Variants in OR1D2 observed in about 807,000 individuals in gnomAD.
The protein encoded by OR1D2 is olfactory receptor 1D2.
For missense variants in OR1D2, 357 were observed against 376.1 expected, an observed-to-expected ratio of 0.95 and a Z score of 0.42; for synonymous variants, 157 against 153.9, an observed-to-expected ratio of 1.02 and a Z score of -0.15.
rs78648155 is a variant in OR1D2, at chr17:3,094,504, A to G, written c.-50-1458T>C. Among the ~76,000 whole-genome samples the G allele has an allele frequency of 3.3e-5, 5 of 152,280 alleles. No homozygotes were observed. In the East Asian group the frequency reaches 9.6e-4, roughly 29 times the overall value. ...ACTGACAGTTCTCAGTGACTGTGGG[A>G]ACTAAGCAAATAGGTAAATACCAAT... On this transcript the variant is annotated intron_variant, in intron 1 of 1. Transcript: ENST00000641833.
chr17:3,101,291 G>T (rs994687578), intron 1 of OR1D2, among the ~76,000 whole-genome samples: 1 of 152,018 alleles, frequency 6.6e-6, no homozygotes, highest in African/African-American at 2.4e-5. Flanking sequence ...CTGTCAAACC[G>T]AATCCAATAG....
chr17:3,094,035 T>C (rs1015654845), intron 1 of OR1D2, among the ~76,000 whole-genome samples: 6 of 152,158 alleles, frequency 3.9e-5, no homozygotes, highest in Non-Finnish European at 8.8e-5. Context: ...ACATCAAATA[T>C]TAAGAATTCT....
chr17:3,099,414 T>A (rs1278849738), intron 1 of OR1D2, among the ~76,000 whole-genome samples: 1 of 152,154 alleles, frequency 6.6e-6, no homozygotes, highest in African/African-American at 2.4e-5. Flanking sequence ...GAATTTCATA[T>A]CCTGCCAAAC....
intron 1 of OR1D2, among the ~76,000 whole-genome samples, chr17:3,100,456 C>G (rs2047869515): frequency 6.6e-6 from 1 of 152,078 alleles, no homozygotes; most frequent in Admixed American, 6.6e-5. Context: ...AGGCAGATAT[C>G]AAGAAGTAGT....
chr17:3,100,712 C>T (rs1480736840), intron 1 of OR1D2, among the ~76,000 whole-genome samples: 1 of 151,948 alleles, frequency 6.6e-6, no homozygotes, highest in Non-Finnish European at 1.5e-5. Flanking sequence ...AAAAACCCTT[C>T]AAAAAATCAA....
At position 3,091,414 on chromosome 17, in the gene OR1D2, T is replaced by G. The variant is rs1455401689; in HGVS notation, c.*644A>C. ...ATACATCTATCTATATTTTATTTTT[T>G]AATCAGTATGTTGAACATTACTTTT... On this transcript the variant is annotated 3_prime_UTR_variant, in exon 2 of 2. Transcript: ENST00000641833. 1 of 151,984 alleles carries G rather than the reference T, an allele frequency of 6.6e-6. No individual in the cohort carries two copies. Among genetic ancestry groups the G allele is most frequent in the African/African-American group, 2.4e-5 (1 of 41,200 alleles). The allele number at this position is 151,984 out of a possible 1,614,324, so 9.4% of individuals were successfully genotyped here. A position where few individuals can be genotyped will look rare whatever the true frequency, so the allele number is the denominator to read the frequency against.
intron 1 of OR1D2, 114 bp from the exon 2 acceptor site, chr17:3,093,160 G>A (rs2047826301): frequency 1.5e-6 from 1 of 662,246 alleles, no homozygotes; most frequent in Non-Finnish European, 2.6e-6. Flanking sequence ...ATATAACAAA[G>A]TTTTTATGCG....
intron 1 of OR1D2, among the ~76,000 whole-genome samples, chr17:3,103,385 C>T (rs918444748): frequency 2.0e-5 from 3 of 152,146 alleles, no homozygotes; most frequent in East Asian, 1.9e-4. Flanking sequence ...GGATTACAGG[C>T]GTGAGCCATT....
intron 1 of OR1D2, among the ~76,000 whole-genome samples, chr17:3,096,571 T>C (rs1370775364): frequency 1.3e-5 from 2 of 152,214 alleles, no homozygotes; most frequent in Non-Finnish European, 2.9e-5. Flanking sequence ...AAGACCAGCC[T>C]GAGCAACATA....
intron 1 of OR1D2, among the ~76,000 whole-genome samples, chr17:3,097,662 A>C (rs554127508): frequency 3.3e-5 from 5 of 152,188 alleles, no homozygotes; most frequent in Non-Finnish European, 7.3e-5. Context: ...AAGTTCCTTG[A>C]GGGAGAGAAA....
intron 1 of OR1D2, among the ~76,000 whole-genome samples, chr17:3,095,988 T>G (rs531744910): frequency 1.3e-5 from 2 of 152,182 alleles, no homozygotes; most frequent in Non-Finnish European, 2.9e-5. Flanking sequence ...TCATTTTCTA[T>G]ATATCATTGG....
In OR1D2 at chr17:3,102,500, A is replaced by G. The variant is rs527347257; in HGVS notation, c.-51+1599T>C. Among the ~76,000 whole-genome samples the G allele has an allele frequency of 3.9e-5, 6 of 152,304 alleles. No homozygotes were observed. In the South Asian group the frequency reaches 1.2e-3, roughly 32 times the overall value. ...TGCTATGTATATACATCTTTTATTTACAACGACGTATATCGTTGTAACAAC... is the reference window on the plus strand; with the variant it reads ...TGCTATGTATATACATCTTTTATTTGCAACGACGTATATCGTTGTAACAAC... On this transcript the variant is annotated intron_variant, in intron 1 of 1. Coordinates refer to ENST00000641833, the MANE Select transcript of OR1D2 (RefSeq NM_002548.3).
At chr17:3,099,150 A>AACATGCAAATTCAG (rs2047863113) in intron 1 of OR1D2, among the ~76,000 whole-genome samples, 1 of 152,206 alleles carries the variant, frequency 6.6e-6, no homozygotes, top group Non-Finnish European at 1.5e-5. Flanking sequence ...AAGACAGGCC[A>AACATGCAAATTCAG]ACATGCAAAT....
intron 1 of OR1D2, among the ~76,000 whole-genome samples, chr17:3,094,893 TAGTC>T (rs1337536157): frequency 6.6e-6 from 1 of 152,072 alleles, no homozygotes; most frequent in African/African-American, 2.4e-5. Flanking sequence ...AAGATTTTAT[TAGTC>T]AGGCTGAATA....
intron 1 of OR1D2, among the ~76,000 whole-genome samples, chr17:3,094,748 A>G (rs547644700): frequency 6.6e-6 from 1 of 152,252 alleles, no homozygotes; most frequent in East Asian, 1.9e-4. Context: ...TCACAAAACT[A>G]AGAGAAAGCA....
At chr17:3,095,710 T>C (rs2047841305) in intron 1 of OR1D2, among the ~76,000 whole-genome samples, 1 of 151,990 alleles carries the variant, frequency 6.6e-6, no homozygotes, top group Admixed American at 6.6e-5. Flanking sequence ...ATTCATATTT[T>C]CTTGTTTTTT....
At position 3,092,358 on chromosome 17, in the gene OR1D2, G is replaced by A. The variant is rs376512950; in HGVS notation, c.639C>T (p.Phe213=). Residue 213 remains phenylalanine, a synonymous_variant, in exon 2 of 2, where the codon TTC becomes TTT. Transcript: ENST00000641833. The stretch of plus-strand genomic sequence containing the variant: ...TAATCAGCACATAGGAAATGATCAC[G>A]AATCCAAAGGGAATGAGGAAGATGA... The part of the protein sequence containing the change: ...GCFIFLIPFG[F]VIISYVLIIR... 7 of 1,614,058 alleles carry A rather than the reference G, an allele frequency of 4.3e-6. No individual in the cohort carries two copies. The highest frequency in any genetic ancestry group is 2.2e-5 in the South Asian group (2 of 91,080).
Position 3,088,568 on chromosome 17 carries a change from G to T in OR1D2, c.*3490C>A. On this transcript the variant is annotated 3_prime_UTR_variant, in exon 2 of 2. Coordinates refer to ENST00000641833, the MANE Select transcript of OR1D2 (RefSeq NM_002548.3). ...GTGAGCAATTCCTGTCCCTTTTAAG[G>T]GCTCACAACTCTAAGGGGGTCTGCG... The T allele has an allele frequency of 6.5e-6, 1 of 154,686 alleles. No individual in the cohort carries two copies. 9.6% of individuals were successfully genotyped at this position (154,686 alleles called of 1,614,324 possible).
intron 1 of OR1D2, among the ~76,000 whole-genome samples, chr17:3,097,451 C>T (rs776623491): frequency 3.9e-5 from 6 of 152,164 alleles, no homozygotes; most frequent in South Asian, 4.1e-4. Flanking sequence ...GCTCTAAATA[C>T]GAGTCCCCAC....
Sources: gnomAD v4.1 joint callset for allele counts (sites outside exome capture counted in the v4.1 genomes callset) on GRCh38, gnomAD v4.1.1 for gene constraint, MANE v1.5 for transcripts, NCBI Gene and HGNC (gene_info 2026-07-23, HGNC 2026-07-21) for gene names.